DSCAM: variants seen among roughly 807,000 people sequenced by gnomAD.
DSCAM encodes the protein DS cell adhesion molecule.
Under a neutral mutation model 217.7 loss-of-function variants are expected in DSCAM, and 47 were observed. The ratio of observed to expected loss-of-function variants is 0.22; its 90% CI spans 0.17 to 0.28. The LOEUF (loss-of-function observed/expected upper bound fraction) is 0.28, where lower values mean the gene tolerates loss of function less well. Ranked by LOEUF, DSCAM falls within the 10% of genes least tolerant of loss-of-function variation. DSCAM has a pLI of 1.00. For synonymous variants in DSCAM, 1,056 were observed against 1,015.3 expected (o/e 1.04, Z -0.76); for missense variants, 2,080 against 2,618.3 (o/e 0.79, Z 4.49).
chr21:40,340,073 G>A (rs1409793813), intron 6 of DSCAM, among the ~76,000 whole-genome samples: 1 of 152,138 alleles, frequency 6.6e-6, no homozygotes, highest in Non-Finnish European at 1.5e-5. Context: ...TGTATTAAAT[G>A]CCGTGTATTA....
intron 3 of DSCAM, among the ~76,000 whole-genome samples, chr21:40,568,611 G>A (rs1481900999): frequency 3.3e-5 from 5 of 152,090 alleles, no homozygotes; most frequent in African/African-American, 7.2e-5. Flanking sequence ...TATTTAAAAT[G>A]CTGGAAGTTA....
intron 1 of DSCAM, among the ~76,000 whole-genome samples, chr21:40,739,172 G>C (rs2091096575): frequency 6.6e-6 from 1 of 152,196 alleles, no homozygotes; most frequent in Non-Finnish European, 1.5e-5. Context: ...CATAGGCAAA[G>C]AGGAAAGAAC....
chr21:40,031,414 T>G (rs1429494907), intron 32 of DSCAM, among the ~76,000 whole-genome samples: 3 of 152,040 alleles, frequency 2.0e-5, no homozygotes, highest in African/African-American at 7.2e-5. Flanking sequence ...CCCTACTGAT[T>G]GAATATCTCC....
intron 18 of DSCAM, among the ~76,000 whole-genome samples, chr21:40,136,194 C>CA (rs2090207027): frequency 6.6e-6 from 1 of 152,208 alleles, no homozygotes; most frequent in Admixed American, 6.5e-5. Context: ...ACCAGGTAGT[C>CA]AAAATATCAA....
chr21:40,477,609 G>A (rs2075948393), intron 3 of DSCAM, among the ~76,000 whole-genome samples: 1 of 152,106 alleles, frequency 6.6e-6, no homozygotes, highest in Non-Finnish European at 1.5e-5. Context: ...TGTTTTGGAA[G>A]AAAGTGATAA....
chr21:40,200,356 T>C (rs1285169412), intron 11 of DSCAM, among the ~76,000 whole-genome samples: 1 of 152,232 alleles, frequency 6.6e-6, no homozygotes, highest in Admixed American at 6.5e-5. Context: ...TCCGTCTCTA[T>C]GAATTTGACT....
Position 40,078,593 on chromosome 21 carries a change from T to C in DSCAM, c.4711+94A>G, listed in dbSNP as rs1428874749. ...TGGGCTCCGTGGGCACTGGTCAAAC[T>C]ATGGCAAAGATGATGTTCGATGGGA... On this transcript the variant is annotated intron_variant, in intron 26 of 32. Coordinates refer to ENST00000400454, the MANE Select transcript of DSCAM (RefSeq NM_001389.5). 2.2e-5 allele frequency: 34 copies of C among 1,512,362 alleles called. No individual in the cohort carries two copies. The South Asian group carries it at 2.9e-4, about 13-fold the overall frequency. 93.7% of individuals were successfully genotyped at this position (1,512,362 alleles called of 1,614,324 possible).
chr21:40,357,820 C>A (rs554802023), intron 4 of DSCAM, among the ~76,000 whole-genome samples: 1 of 151,384 alleles, frequency 6.6e-6, no homozygotes, highest in East Asian at 1.9e-4. Context: ...ATGTAACGAA[C>A]CTGCACGTTG....
chr21:40,239,944 T>A (rs2073126580), intron 11 of DSCAM, among the ~76,000 whole-genome samples: 1 of 152,170 alleles, frequency 6.6e-6, no homozygotes, highest in South Asian at 2.1e-4. Context: ...TATACTTCCA[T>A]CAGGTCCTGG....
At chr21:40,408,006 G>A (rs979929618) in intron 3 of DSCAM, among the ~76,000 whole-genome samples, 10 of 152,112 alleles carry the variant, frequency 6.6e-5, no homozygotes, top group African/African-American at 2.4e-4. Flanking sequence ...AAGGCTCGCT[G>A]GCTACCTGGT....
chr21:40,267,349 A>T (rs2073553093), intron 11 of DSCAM, among the ~76,000 whole-genome samples: 1 of 151,988 alleles, frequency 6.6e-6, no homozygotes, highest in Non-Finnish European at 1.5e-5. Context: ...GTCATTTATT[A>T]TTATCACAAG....
chr21:40,476,095 A>G (rs569472622), intron 3 of DSCAM, among the ~76,000 whole-genome samples: 11 of 152,330 alleles, frequency 7.2e-5, no homozygotes, highest in Non-Finnish European at 1.3e-4. Flanking sequence ...TTGTATTTCT[A>G]TAGGAGGGTC....
intron 27 of DSCAM, among the ~76,000 whole-genome samples, chr21:40,063,946 G>C (rs551936418): frequency 3.4e-4 from 51 of 152,202 alleles, no homozygotes; most frequent in African/African-American, 1.2e-3. Flanking sequence ...TTTGTGCACA[G>C]ATGGGTTCAG....
chr21:40,493,247 TAAAG>T (rs2076090443), intron 3 of DSCAM, among the ~76,000 whole-genome samples: 1 of 152,026 alleles, frequency 6.6e-6, no homozygotes, highest in Non-Finnish European at 1.5e-5. Context: ...TTAGGAGAAA[TAAAG>T]GAAGAATAAA....
chr21:40,170,702 G>T (rs965924735), intron 15 of DSCAM, among the ~76,000 whole-genome samples: 1 of 152,186 alleles, frequency 6.6e-6, no homozygotes, highest in Non-Finnish European at 1.5e-5. Context: ...TCATTGAAAA[G>T]CACACGGTTT....
intron 29 of DSCAM, among the ~76,000 whole-genome samples, chr21:40,053,280 C>T (rs1235898278): frequency 1.3e-5 from 2 of 152,222 alleles, no homozygotes; most frequent in African/African-American, 2.4e-5. Flanking sequence ...GCGCATGGTG[C>T]GGTGAGGTTG....
At chr21:40,217,076 G>C (rs368174372) in intron 11 of DSCAM, among the ~76,000 whole-genome samples, 21 of 152,202 alleles carry the variant, frequency 1.4e-4, no homozygotes, top group South Asian at 1.0e-3. Flanking sequence ...GAGAATATCT[G>C]TTATCCCTTT....
At chr21:40,773,853 G>T (rs1193547058) in intron 1 of DSCAM, among the ~76,000 whole-genome samples, 1 of 152,184 alleles carries the variant, frequency 6.6e-6, no homozygotes, top group Non-Finnish European at 1.5e-5. Context: ...AGCTACCGGG[G>T]CACCAGGCAG....
At chr21:40,712,080 C>T (rs1322097269) in intron 1 of DSCAM, among the ~76,000 whole-genome samples, 1 of 152,104 alleles carries the variant, frequency 6.6e-6, no homozygotes, top group East Asian at 1.9e-4. Flanking sequence ...ATAAAATACA[C>T]CAAGATGGAA....
Sources: gnomAD v4.1 joint callset for allele counts (sites outside exome capture counted in the v4.1 genomes callset) on GRCh38, gnomAD v4.1.1 for gene constraint, MANE v1.5 for transcripts, NCBI Gene and HGNC (gene_info 2026-07-23, HGNC 2026-07-21) for gene names.